PEX5L: variants seen among roughly 807,000 people sequenced by gnomAD.
PEX5L encodes PEX5-related protein.
A neutral mutation model predicts 84.0 loss-of-function variants in PEX5L; 30 were observed. The observed-to-expected ratio is 0.36, with a 90% CI of 0.27 to 0.48. The LOEUF (loss-of-function observed/expected upper bound fraction) is 0.48, where lower values mean the gene tolerates loss of function less well. Ranked by LOEUF, PEX5L falls within the 20% of genes least tolerant of loss-of-function variation. The pLI, the probability that PEX5L is intolerant of heterozygous loss-of-function variation, is 0.99. For missense variants in PEX5L, 533 were observed against 754.6 expected, an observed-to-expected ratio of 0.71 and a Z score of 3.44; for synonymous variants, 270 against 283.1, an observed-to-expected ratio of 0.95 and a Z score of 0.46.
chr3:179,823,182 G>A (rs185879473), intron 8 of PEX5L, among the ~76,000 whole-genome samples: 1 of 152,266 alleles, frequency 6.6e-6, no homozygotes, highest in South Asian at 2.1e-4. Context: ...GCATAGTTTG[G>A]TGTTTTCATC....
chr3:179,881,449 CT>C (rs2108788731), intron 4 of PEX5L: 1 of 152,268 alleles, frequency 6.6e-6, no homozygotes, highest in South Asian at 2.1e-4. Flanking sequence ...TAGTGTGTGA[CT>C]TGAAGTAAGT....
chr3:179,900,738 G>C, intron 2 of PEX5L: 1 of 1,534,180 alleles, frequency 6.5e-7, no homozygotes. Context: ...CCTACTACCT[G>C]AAAAGAGTCA....
At chr3:179,952,680 A>C (rs1013884294) in intron 2 of PEX5L, among the ~76,000 whole-genome samples, 1 of 152,158 alleles carries the variant, frequency 6.6e-6, no homozygotes, top group Non-Finnish European at 1.5e-5. Context: ...TACTGCCCAA[A>C]GTAATTTATA....
At chr3:179,912,984 A>G (rs1020279129) in intron 2 of PEX5L, among the ~76,000 whole-genome samples, 1 of 152,106 alleles carries the variant, frequency 6.6e-6, no homozygotes, top group African/African-American at 2.4e-5. Flanking sequence ...CAAAGAAAAA[A>G]TTAGGTTTAG....
chr3:179,837,770 A>G (rs2109294193), intron 8 of PEX5L, among the ~76,000 whole-genome samples: 1 of 152,374 alleles, frequency 6.6e-6, no homozygotes, highest in Non-Finnish European at 1.5e-5. Context: ...TTCTTGTTGC[A>G]CACGGATAAA....
At chr3:179,945,469 T>C (rs146423506) in intron 2 of PEX5L, among the ~76,000 whole-genome samples, 45 of 152,300 alleles carry the variant, frequency 3.0e-4, no homozygotes, top group African/African-American at 1.0e-3. Context: ...ATCTCTTAAC[T>C]CAGGTTAATG....
chr3:180,028,252 T>C (rs947972758), intron 1 of PEX5L, among the ~76,000 whole-genome samples: 3 of 152,200 alleles, frequency 2.0e-5, no homozygotes, highest in African/African-American at 7.2e-5. Flanking sequence ...TCTATGCTTA[T>C]TCAAATGGCC....
chr3:179,904,418 A>C (rs557980980), intron 2 of PEX5L, among the ~76,000 whole-genome samples: 1 of 152,260 alleles, frequency 6.6e-6, no homozygotes, highest in African/African-American at 2.4e-5. Flanking sequence ...AGGTGGGAGA[A>C]AGTCATGGAT....
intron 2 of PEX5L, among the ~76,000 whole-genome samples, chr3:179,959,728 C>G (rs1261414491): frequency 6.6e-6 from 1 of 152,062 alleles, no homozygotes; most frequent in African/African-American, 2.4e-5. Context: ...CTATTTAGTT[C>G]TCTCACCCCG....
Position 179,808,444 on chromosome 3 carries a change from G to T in PEX5L, c.1353-7C>A. ...CACCCCTTCCAGAACAGAGCTACAA[G>T]AGAAAAAAAAAATTAGATTTGTAAT... On this transcript the variant is annotated splice_region_variant and splice_polypyrimidine_tract_variant and intron_variant, in intron 12 of 14. Transcript: ENST00000467460. The T allele has an allele frequency of 6.9e-7, 1 of 1,443,092 alleles. No individual in the cohort carries two copies. Among genetic ancestry groups the T allele is most frequent in the South Asian group, 1.6e-5 (1 of 64,268 alleles). 89.4% of individuals were successfully genotyped at this position (1,443,092 alleles called of 1,614,324 possible). A position where few individuals can be genotyped will look rare whatever the true frequency, so the allele number is the denominator to read the frequency against.
intron 1 of PEX5L, among the ~76,000 whole-genome samples, chr3:179,978,122 T>C (rs1180484612): frequency 2.0e-5 from 3 of 152,184 alleles, no homozygotes; most frequent in African/African-American, 7.2e-5. Flanking sequence ...AATTGGAAAA[T>C]AGGTATTCCA....
chr3:179,927,860 G>T (rs1206944329), intron 2 of PEX5L, among the ~76,000 whole-genome samples: 1 of 152,096 alleles, frequency 6.6e-6, no homozygotes, highest in Non-Finnish European at 1.5e-5. Flanking sequence ...TTAAATGGGG[G>T]AAGTTTTAGC....
Position 179,851,314 on chromosome 3 carries a change from T to A in PEX5L, c.822+7748A>T, listed in dbSNP as rs541719337. Among the ~76,000 whole-genome samples the A allele has an allele frequency of 3.3e-5, 5 of 152,298 alleles. No individual in the cohort carries two copies. In the East Asian group the frequency reaches 7.7e-4, roughly 24 times the overall value. On this transcript the variant is annotated intron_variant, in intron 8 of 14. Transcript: ENST00000467460. ...GTGTCTGGTGAGGGCCTGGTCTTCA[T>A]TGAAACTGCTTTCTTGCTCTATCCT...
intron 1 of PEX5L, among the ~76,000 whole-genome samples, chr3:179,989,988 T>C (rs1209296663): frequency 4.6e-5 from 7 of 152,220 alleles, no homozygotes; most frequent in Admixed American, 4.6e-4. Context: ...TATTAAATTA[T>C]AGCATTAAAT....
intron 8 of PEX5L, among the ~76,000 whole-genome samples, chr3:179,851,383 A>C (rs1741809442): frequency 1.3e-5 from 2 of 152,080 alleles, no homozygotes; most frequent in South Asian, 4.2e-4. Context: ...TCTCTTTTAT[A>C]AGGGCATTTT....
chr3:179,804,476 T>C (rs1257717377), intron 14 of PEX5L: 1 of 152,170 alleles, frequency 6.6e-6, no homozygotes, highest in Non-Finnish European at 1.5e-5. Context: ...TTAAGACTCA[T>C]TGGTCTAAGC....
At chr3:180,036,491 G>A in intron 1 of PEX5L, 88 bp downstream of exon 1, 2 of 1,202,470 alleles carry the variant, frequency 1.7e-6, no homozygotes, top group Non-Finnish European at 2.5e-6. Context: ...CTGTGCGAAG[G>A]CAGCACTTGA....
intron 6 of PEX5L, among the ~76,000 whole-genome samples, chr3:179,874,652 C>T (rs573866151): frequency 7.1e-6 from 1 of 141,772 alleles, no homozygotes; most frequent in East Asian, 2.1e-4. Flanking sequence ...AAATTCAGTT[C>T]GATTATGGGC....
At chr3:179,813,086 C>A (rs908426221) in intron 10 of PEX5L, among the ~76,000 whole-genome samples, 1 of 152,162 alleles carries the variant, frequency 6.6e-6, no homozygotes, top group Non-Finnish European at 1.5e-5. Flanking sequence ...AACATACAGA[C>A]AGCAACCTCT....
Sources: allele counts gnomAD v4.1 joint callset (sites outside exome capture counted in the v4.1 genomes callset), GRCh38; gene constraint gnomAD v4.1.1; transcripts MANE v1.5; gene names NCBI Gene and HGNC (gene_info 2026-07-23, HGNC 2026-07-21).